The following PCDHGA4 variants were observed in gnomAD, a reference collection of about 807,000 sequenced individuals.
PCDHGA4 encodes the protein protocadherin gamma subfamily A, 4.
A neutral mutation model predicts 54.6 loss-of-function variants in PCDHGA4; 38 were observed. The observed-to-expected ratio is 0.70, with a 90% CI of 0.54 to 0.91. The LOEUF (loss-of-function observed/expected upper bound fraction) is 0.91, where lower values mean the gene tolerates loss of function less well. Ranked by LOEUF, PCDHGA4 falls within the 40% of genes least tolerant of loss-of-function variation. PCDHGA4 has a pLI of 0.00. For missense variants in PCDHGA4, 1,298 were observed against 1,220.9 expected (o/e 1.06, Z -0.94); for synonymous variants, 511 against 512.9 (o/e 1.00, Z 0.05).
chr5:141,433,259 T>C (rs776486704), intron 1 of PCDHGA4: 3 of 1,380,658 alleles, frequency 2.2e-6, no homozygotes, highest in Non-Finnish European at 3.0e-6. Flanking sequence ...AGCGGTACGA[T>C]CATAGCTCAC....
At chr5:141,417,955 G>C in intron 1 of PCDHGA4, 2 of 1,613,634 alleles carry the variant, frequency 1.2e-6, no homozygotes, top group Middle Eastern at 1.7e-4. Flanking sequence ...TGTGTGAGCC[G>C]ATCCGCTACT....
intron 1 of PCDHGA4, among the ~76,000 whole-genome samples, chr5:141,434,285 T>G (rs1358981946): frequency 6.6e-6 from 1 of 152,232 alleles, no homozygotes; most frequent in Non-Finnish European, 1.5e-5. Context: ...GTATTCTCTG[T>G]TTTTCCTGTA....
At chr5:141,465,792 T>A (rs1262092940) in intron 1 of PCDHGA4, among the ~76,000 whole-genome samples, 2 of 152,018 alleles carry the variant, frequency 1.3e-5, no homozygotes, top group Non-Finnish European at 2.9e-5. Flanking sequence ...TTTTTTTTTT[T>A]AAGAAACCCT....
intron 3 of PCDHGA4, among the ~76,000 whole-genome samples, chr5:141,508,761 C>G (rs943236216): frequency 6.6e-6 from 1 of 151,974 alleles, no homozygotes; most frequent in Admixed American, 6.6e-5. Context: ...TCTGGCGCCT[C>G]TGAGGTCCCC....
chr5:141,491,726 C>T lies in PCDHGA4; in HGVS notation c.2515-3081C>T. On this transcript the variant is annotated intron_variant, in intron 1 of 3. Transcript: ENST00000571252. This position sits in a 1 kb window ranked among gnomAD's most constrained non-coding sequence, Gnocchi z 6.9. ...GTGAGGGGCTCGGCGCCGCCCCGGG[C>T]GACCCCTGGGGGCGGCACTGGAGAA... The T allele has an allele frequency of 6.2e-7, 1 of 1,605,884 alleles. No individual in the cohort carries two copies. Among genetic ancestry groups the T allele is most frequent in the East Asian group, 2.2e-5 (1 of 44,600 alleles).
chr5:141,471,658 G>T (rs1354815239), intron 1 of PCDHGA4: 1 of 152,106 alleles, frequency 6.6e-6, no homozygotes, highest in Admixed American at 6.5e-5. Flanking sequence ...ATGTGGGGAT[G>T]CAGAAAAAAA....
chr5:141,389,112 C>T (rs376966829), intron 1 of PCDHGA4: 22 of 1,613,964 alleles, frequency 1.4e-5, no homozygotes, highest in Non-Finnish European at 1.9e-5. Context: ...TGTTCTAGAC[C>T]GCGAGCAGAA....
chr5:141,450,010 T>A (rs2098664468), intron 1 of PCDHGA4, among the ~76,000 whole-genome samples: 1 of 135,330 alleles, frequency 7.4e-6, no homozygotes, highest in African/African-American at 3.3e-5. Flanking sequence ...ATGTCTCTTT[T>A]TTTTTTTTTT....
intron 1 of PCDHGA4, chr5:141,377,955 G>GTTT (rs1774497186): frequency 6.6e-6 from 1 of 152,022 alleles, no homozygotes; most frequent in African/African-American, 2.4e-5. Context: ...GTGTATCCAG[G>GTTT]GCAACTTGAA....
chr5:141,510,398 G>A (rs2099880972), intron 3 of PCDHGA4, among the ~76,000 whole-genome samples: 1 of 152,064 alleles, frequency 6.6e-6, no homozygotes, highest in African/African-American at 2.4e-5. Flanking sequence ...CTTGGCAAAG[G>A]CTAGGGGCAT....
At position 141,485,325 on chromosome 5, in the gene PCDHGA4, A is replaced by T; in HGVS notation, c.2515-9482A>T. 6.2e-7 allele frequency: 1 copy of T among 1,614,078 alleles called. No homozygotes were observed. Among genetic ancestry groups the T allele is most frequent in the Non-Finnish European group, 8.5e-7 (1 of 1,180,014 alleles). ...ACTTTTGTAGGGAATGTCGCTCAAG[A>T]TTTCCTGCTGGATACGGACAGTCTG... is the stretch of plus-strand genomic sequence containing the variant. On this transcript the variant is annotated intron_variant, in intron 1 of 3. Coordinates refer to ENST00000571252, the MANE Select transcript of PCDHGA4 (RefSeq NM_018917.4). This position sits in a 1 kb window ranked among gnomAD's most constrained non-coding sequence, Gnocchi z 5.7.
At chr5:141,451,880 A>G (rs1322052501) in intron 1 of PCDHGA4, among the ~76,000 whole-genome samples, 1 of 152,106 alleles carries the variant, frequency 6.6e-6, no homozygotes, top group East Asian at 1.9e-4. Flanking sequence ...AACCCTGTCA[A>G]GAAAGAAAGG....
rs202113404 is a variant in PCDHGA4, at chr5:141,414,779, A to G, written c.2514+57158A>G. The G allele has an allele frequency of 4.2e-4, 674 of 1,614,210 alleles. No homozygotes were observed. Among genetic ancestry groups the G allele is most frequent in the Admixed American group, 6.0e-4 (36 of 60,022 alleles). On this transcript the variant is annotated intron_variant, in intron 1 of 3. Transcript: ENST00000571252. ...GAGCAGTTTCATGAGCTACAGATGCAGGTGACAGCCAGCGACAGCGGGGAT... is the reference window on the plus strand; with the variant it reads ...GAGCAGTTTCATGAGCTACAGATGCGGGTGACAGCCAGCGACAGCGGGGAT...
chr5:141,375,597 T>C, intron 1 of PCDHGA4: 4 of 1,614,160 alleles, frequency 2.5e-6, no homozygotes, highest in Non-Finnish European at 3.4e-6. Flanking sequence ...TCCTCCTACG[T>C]GTCCATCAAC....
chr5:141,430,383 GAAA>G (rs139772145), intron 1 of PCDHGA4, among the ~76,000 whole-genome samples: 9 of 138,566 alleles, frequency 6.5e-5, no homozygotes, highest in African/African-American at 2.4e-4. Context: ...AGCTCATTGG[GAAA>G]AAAAAAAAAA....
chr5:141,428,594 G>A (rs1317075888), intron 1 of PCDHGA4: 4 of 227,916 alleles, frequency 1.8e-5, no homozygotes, highest in African/African-American at 9.1e-5. Context: ...CTGGTAGCAA[G>A]CTTCACTGAA....
At chr5:141,418,463 C>G in intron 1 of PCDHGA4, 1 of 1,613,944 alleles carries the variant, frequency 6.2e-7, no homozygotes, top group South Asian at 1.1e-5. Context: ...GACTCTGGAC[C>G]GAGAAACGCA....
rs376221362 is a variant in PCDHGA4, at chr5:141,389,239, A to G, written c.2514+31618A>G. 8.2e-5 allele frequency: 132 copies of G among 1,614,008 alleles called. No homozygotes were observed. The highest frequency in any genetic ancestry group is 6.6e-4 in the Middle Eastern group (4 of 6,062). ...AATGACAACGCTCCGGTTTTCTCAC[A>G]GTCTTCCTATATAGTCCACGTGGCC... On this transcript the variant is annotated intron_variant, in intron 1 of 3. Coordinates refer to ENST00000571252, the MANE Select transcript of PCDHGA4 (RefSeq NM_018917.4).
At chr5:141,382,874 GC>G in intron 1 of PCDHGA4, 1 of 1,523,072 alleles carries the variant, frequency 6.6e-7, no homozygotes, top group Non-Finnish European at 8.8e-7. Context: ...CGAGATCGGC[GC>G]CTAAGCAAGA....
Sources: gnomAD v4.1 joint callset for allele counts (sites outside exome capture counted in the v4.1 genomes callset) on GRCh38, gnomAD v4.1.1 for gene constraint, Gnocchi (gnomAD v3.1) non-coding constraint, MANE v1.5 for transcripts, NCBI Gene and HGNC (gene_info 2026-07-23, HGNC 2026-07-21) for gene names.